Variants in RBM27 observed in about 807,000 individuals in gnomAD.
RBM27 encodes the protein RNA-binding protein 27.
A neutral mutation model predicts 135.3 loss-of-function variants in RBM27; 22 were observed. That is an observed-to-expected ratio of 0.16 (90% CI 0.12 to 0.23). RBM27 has a LOEUF of 0.23. Among genes scored for constraint, RBM27 ranks in the 10% least tolerant of loss-of-function variants. The pLI is 1.00. For missense variants in RBM27, 1,009 were observed against 1,281.0 expected, an observed-to-expected ratio of 0.79 and a Z score of 3.24; for synonymous variants, 481 against 442.4, an observed-to-expected ratio of 1.09 and a Z score of -1.10.
At chr5:146,234,530 A>AG (rs397808220) in intron 7 of RBM27, among the ~76,000 whole-genome samples, 1 of 151,672 alleles carries the variant, frequency 6.6e-6, no homozygotes, top group Non-Finnish European at 1.5e-5. Context: ...AAAAAAAAAA[A>AG]TCAATATGCC....
chr5:146,224,700 T>A (rs1756592102), intron 3 of RBM27, among the ~76,000 whole-genome samples: 1 of 151,332 alleles, frequency 6.6e-6, no homozygotes, highest in Admixed American at 6.6e-5. Context: ...AAAAAAAAAA[T>A]TACGAGAATA....
intron 19 of RBM27, among the ~76,000 whole-genome samples, chr5:146,279,460 C>CA (rs151135547): frequency 0.021 from 2,712 of 131,612 alleles, 82 homozygotes; most frequent in African/African-American, 0.07. Flanking sequence ...AACAAAAAAA[C>CA]AAAAAAAAAA....
In RBM27 at chr5:146,205,667, A is replaced by G. The variant is rs150638934; in HGVS notation, c.59+1843A>G. 1.1e-4 allele frequency among the ~76,000 whole-genome samples: 17 copies of G among 152,274 alleles called. 1 individual carries two copies. The East Asian group carries it at 3.3e-3, about 29-fold the overall frequency. On this transcript the variant is annotated intron_variant, in intron 1 of 20. Transcript: ENST00000265271. ...TGAAGGTGGGAAATAAGATGGATGT[A>G]ATGAAATTGACCATATATGGGAAAA...
intron 1 of RBM27, among the ~76,000 whole-genome samples, chr5:146,206,579 G>T (rs1445201294): frequency 2.0e-5 from 3 of 149,868 alleles, no homozygotes; most frequent in African/African-American, 7.4e-5. Context: ...TACTTTATTT[G>T]TTTGTTTATT....
Position 146,233,689 on chromosome 5 carries a change from C to T in RBM27, c.1090C>T (p.Pro364Ser), listed in dbSNP as rs1439599173. The T allele has an allele frequency of 2.0e-6, 3 of 1,508,220 alleles. No homozygotes were observed. The highest frequency in any genetic ancestry group is 1.4e-5 in the African/African-American group (1 of 70,656). The allele number at this position is 1,508,220 out of a possible 1,614,324, so 93.4% of individuals were successfully genotyped here. ...GPGPGHSMRL[P>S]VPQGHGQPPP... is the part of the protein sequence containing the mutation. ...AGGTCCTGGCCATAGTATGAGACTT[C>T]CTGTTCCCCAAGGACATGGTCAGCC... The change falls in exon 7 of 21, where the codon CCT (proline) becomes TCT (serine). Residue 364 changes from proline to serine, a missense_variant. This residue lies in a region of RBM27 where 329 missense variants were observed against 368.1 expected (regional missense o/e 0.89). Coordinates refer to ENST00000265271, the MANE Select transcript of RBM27 (RefSeq NM_018989.2).
intron 13 of RBM27, 139 bp downstream of exon 13, chr5:146,261,945 G>A: frequency 3.5e-6 from 3 of 856,530 alleles, no homozygotes; most frequent in Non-Finnish European, 5.3e-6. Flanking sequence ...GATCTCCTGG[G>A]ATCTTATAGA....
chr5:146,231,498 A>G (rs182381288), intron 6 of RBM27, among the ~76,000 whole-genome samples: 32 of 151,562 alleles, frequency 2.1e-4, no homozygotes, highest in Non-Finnish European at 1.3e-4. Flanking sequence ...TTTAAATTTT[A>G]CCCTTTTTTA....
At position 146,285,974 on chromosome 5, in the gene RBM27, C is replaced by T. The variant is rs757113908; in HGVS notation, c.3127C>T (p.Pro1043Ser). ...AACAGAAACCTCAGATTTGTTTTTG[C>T]CTGATGATGACGATGAAGATGAAGA... ...EETETSDLFL[P>S]DDDDEDEDEY... Residue 1043 changes from proline to serine, a missense_variant, in exon 21 of 21, where the codon CCT becomes TCT. By Grantham distance (74) the Pro-to-Ser change is moderately conservative (BLOSUM62 -1). Coordinates refer to ENST00000265271, the MANE Select transcript of RBM27 (RefSeq NM_018989.2). The T allele has an allele frequency of 6.2e-7, 1 of 1,612,382 alleles. No homozygotes were observed. Among genetic ancestry groups the T allele is most frequent in the Non-Finnish European group, 8.5e-7 (1 of 1,179,112 alleles).
intron 15 of RBM27, 41 bp from the exon 16 acceptor site, chr5:146,269,166 A>G: frequency 6.9e-7 from 1 of 1,459,360 alleles, no homozygotes; most frequent in Non-Finnish European, 9.5e-7. Context: ...GAATGGTGGC[A>G]AATTACATTA....
At chr5:146,222,955 G>A (rs552980918) in intron 2 of RBM27, among the ~76,000 whole-genome samples, 7 of 151,890 alleles carry the variant, frequency 4.6e-5, no homozygotes, top group Non-Finnish European at 7.4e-5. Flanking sequence ...TATATCCACC[G>A]CGTTCCCACC....
chr5:146,258,683 T>G, intron 11 of RBM27, 90 bp downstream of exon 11: 1 of 1,191,436 alleles, frequency 8.4e-7, no homozygotes, highest in South Asian at 2.8e-5. Flanking sequence ...TTAATTAATG[T>G]TTTTCAAACT....
intron 19 of RBM27, among the ~76,000 whole-genome samples, chr5:146,283,299 G>A (rs1282974434): frequency 6.6e-6 from 1 of 152,098 alleles, no homozygotes; most frequent in Non-Finnish European, 1.5e-5. Flanking sequence ...CAACACTTTG[G>A]GAGGCTAAGG....
At chr5:146,280,703 T>G (rs577798091) in intron 19 of RBM27, among the ~76,000 whole-genome samples, 2 of 152,188 alleles carry the variant, frequency 1.3e-5, no homozygotes, top group African/African-American at 4.8e-5. Flanking sequence ...TCAATACTTA[T>G]GGTGTTTTGT....
rs748753930 is a variant in RBM27 at position 146,261,652 on chromosome 5, C to G, written c.2036C>G (p.Pro679Arg). 5.6e-6 allele frequency: 9 copies of G among 1,613,946 alleles called. No homozygotes were observed. The highest frequency in any genetic ancestry group is 2.7e-5 in the African/African-American group (2 of 74,870). Residue 679 changes from proline to arginine, a missense_variant, in exon 13 of 21, where the codon CCG becomes CGG. Around this residue, in one of 6 missense-constraint regions of RBM27, gnomAD observed 355 missense variants for 427.3 expected, o/e 0.83. Coordinates refer to ENST00000265271, the MANE Select transcript of RBM27 (RefSeq NM_018989.2). ...VLWHRENNEQ[P>R]TLQSSAQLLL... ...TGGCATAGGGAAAATAATGAGCAAC[C>G]GACACTACAGTCCTCAGCACAGCTG...
At position 146,239,784 on chromosome 5, in the gene RBM27, T is replaced by TC. The variant is rs1242811401; in HGVS notation, c.1279+2352_1279+2353insC. On this transcript the variant is annotated intron_variant, in intron 8 of 20. Coordinates refer to ENST00000265271, the MANE Select transcript of RBM27 (RefSeq NM_018989.2). ...AGCCACCACGCCTGGACTTTTTTTT[T>TC]TTTTTTTTTTGAGACAGAGTCTCAA... 3.1e-3 allele frequency among the ~76,000 whole-genome samples: 457 copies of TC among 149,746 alleles called. 5 individuals are homozygous for TC. The highest frequency in any genetic ancestry group is 0.011 in the African/African-American group (441 of 40,724).
At chr5:146,219,167 A>C in intron 2 of RBM27, 64 bp downstream of exon 2, 1 of 1,227,824 alleles carries the variant, frequency 8.1e-7, no homozygotes, top group East Asian at 2.4e-5. Flanking sequence ...ACTTCCTGAA[A>C]AGTCTTGGAG....
At chr5:146,216,832 A>G (rs1011050546) in intron 1 of RBM27, among the ~76,000 whole-genome samples, 18 of 151,858 alleles carry the variant, frequency 1.2e-4, no homozygotes, top group Non-Finnish European at 2.9e-5. Context: ...TAATTTTTAT[A>G]TTATTTGTAG....
chr5:146,214,166 A>T (rs191800743), intron 1 of RBM27, among the ~76,000 whole-genome samples: 1 of 152,190 alleles, frequency 6.6e-6, no homozygotes, highest in Admixed American at 6.5e-5. Flanking sequence ...TATCTTTACA[A>T]ATTTACAAAT....
intron 3 of RBM27, among the ~76,000 whole-genome samples, chr5:146,227,919 C>G (rs1756747067): frequency 6.6e-6 from 1 of 151,856 alleles, no homozygotes; most frequent in Non-Finnish European, 1.5e-5. Flanking sequence ...CCATTTTTTC[C>G]TAAAACGTTT....
Sources: allele counts gnomAD v4.1 joint callset (sites outside exome capture counted in the v4.1 genomes callset), GRCh38; gene constraint gnomAD v4.1.1; regional missense constraint gnomAD v4.1.1; transcripts MANE v1.5; gene names NCBI Gene and HGNC (gene_info 2026-07-23, HGNC 2026-07-21).